The following NIBAN1 variants were observed in gnomAD, a reference collection of about 807,000 sequenced individuals.
NIBAN1 encodes the protein protein Niban 1.
NIBAN1 carries 81 observed loss-of-function variants against 75.1 expected under a neutral mutation model. The ratio of observed to expected loss-of-function variants is 1.08; its 90% CI spans 0.90 to 1.30. The LOEUF (loss-of-function observed/expected upper bound fraction) is 1.30, where lower values mean the gene tolerates loss of function less well. Among genes scored for constraint, NIBAN1 ranks in the 50% most tolerant of loss-of-function variants. The probability of loss-of-function intolerance (pLI) is 0.00; values close to 1 mark genes in which losing one functional copy is unlikely to be tolerated. For missense variants in NIBAN1, 1,133 were observed against 1,128.1 expected, an observed-to-expected ratio of 1.00 and a Z score of -0.06; for synonymous variants, 436 against 424.8, an observed-to-expected ratio of 1.03 and a Z score of -0.32.
rs184067662 is a variant in NIBAN1, at chr1:184,890,075, T to A, written c.433+33A>T. The A allele has an allele frequency of 2.7e-6, 4 of 1,505,314 alleles. No individual in the cohort carries two copies. In the Admixed American group the frequency reaches 6.7e-5, roughly 25 times the overall value. 93.2% of individuals were successfully genotyped at this position (1,505,314 alleles called of 1,614,324 possible). A position where few individuals can be genotyped will look rare whatever the true frequency, so the allele number is the denominator to read the frequency against. ...CCAGCTAAACAAAGAAGCTTAGTCATTTTGCCTTGGAAAAGAATGATCAGC... is the reference window on the plus strand; with the variant it reads ...CCAGCTAAACAAAGAAGCTTAGTCAATTTGCCTTGGAAAAGAATGATCAGC... On this transcript the variant is annotated intron_variant, in intron 4 of 13. Coordinates refer to ENST00000367511, the MANE Select transcript of NIBAN1 (RefSeq NM_052966.4).
chr1:184,947,079 G>GAGAAAAAAGAAAAAA (rs1658244959), intron 1 of NIBAN1, among the ~76,000 whole-genome samples: 4 of 150,454 alleles, frequency 2.7e-5, no homozygotes, highest in African/African-American at 9.8e-5. Context: ...ATCTCAAAAA[G>GAGAAAAAAGAAAAAA]AAAAGAAAAG....
chr1:184,887,089 C>A (rs945462735), intron 4 of NIBAN1, among the ~76,000 whole-genome samples: 1 of 152,172 alleles, frequency 6.6e-6, no homozygotes, highest in Non-Finnish European at 1.5e-5. Flanking sequence ...CCACTGCACT[C>A]CAGCCTGGGT....
chr1:184,949,263 C>T (rs1658302465), intron 1 of NIBAN1, among the ~76,000 whole-genome samples: 1 of 152,156 alleles, frequency 6.6e-6, no homozygotes, highest in Non-Finnish European at 1.5e-5. Flanking sequence ...GAGGCTGAGG[C>T]AGGAGAATGG....
At chr1:184,973,910 G>T (rs867362778) in intron 1 of NIBAN1, among the ~76,000 whole-genome samples, 1 of 152,252 alleles carries the variant, frequency 6.6e-6, no homozygotes, top group African/African-American at 2.4e-5. Context: ...ATCCCCAGGG[G>T]TATCTCTAGA....
intron 5 of NIBAN1, chr1:184,867,715 A>G (rs1655994225): frequency 3.8e-6 from 1 of 260,152 alleles, no homozygotes; most frequent in Non-Finnish European, 6.0e-6. Flanking sequence ...TATCCTGGAA[A>G]GTCAGGAGGA....
At chr1:184,926,719 G>A (rs1657695180) in intron 1 of NIBAN1, among the ~76,000 whole-genome samples, 1 of 152,022 alleles carries the variant, frequency 6.6e-6, no homozygotes, top group African/African-American at 2.4e-5. Flanking sequence ...TTGAGGTTTG[G>A]AAAGCCTTAT....
At chr1:184,885,359 G>A (rs1656496062) in intron 4 of NIBAN1, among the ~76,000 whole-genome samples, 1 of 151,956 alleles carries the variant, frequency 6.6e-6, no homozygotes, top group South Asian at 2.1e-4. Context: ...ATTATTTGTA[G>A]AGACAGGGTT....
At chr1:184,955,359 T>TTCCTTTCCTTTCCTTTCC (rs1557929596) in intron 1 of NIBAN1, among the ~76,000 whole-genome samples, 10 of 150,978 alleles carry the variant, frequency 6.6e-5, no homozygotes, top group African/African-American at 2.4e-4. Flanking sequence ...TTCCTTTCCT[T>TTCCTTTCCTTTCCTTTCC]TTCTTTTTTG....
Position 184,899,249 on chromosome 1 carries a change from G to A in NIBAN1, c.116C>T (p.Ala39Val), listed in dbSNP as rs1656882813. ...TTCAGTGCGCACGTGATTGCAGAAA[G>A]CCACAGAGTACTGACGACTGTAGTA... Reference protein sequence around the residue: ...SPYYSRQYSVAFCNHVRTEVE... With the variant: ...SPYYSRQYSVVFCNHVRTEVE... Residue 39 changes from alanine to valine, a missense_variant, in exon 2 of 14, where the codon GCT becomes GTT. Transcript: ENST00000367511. 1 of 1,613,940 alleles carries A rather than the reference G, an allele frequency of 6.2e-7. No individual in the cohort carries two copies. The highest frequency in any genetic ancestry group is 8.5e-7 in the Non-Finnish European group (1 of 1,179,866).
chr1:184,920,276 T>G (rs1169293284), intron 1 of NIBAN1, among the ~76,000 whole-genome samples: 1 of 152,198 alleles, frequency 6.6e-6, no homozygotes, highest in African/African-American at 2.4e-5. Context: ...ACACAATGGT[T>G]GTACAGATTT....
chr1:184,930,994 C>T (rs1314238447), intron 1 of NIBAN1, among the ~76,000 whole-genome samples: 1 of 57,274 alleles, frequency 1.7e-5, no homozygotes, highest in Non-Finnish European at 3.8e-5. Context: ...ACTTTTTCTT[C>T]TTCTTTTTTT....
chr1:184,884,611 TGA>T lies in NIBAN1; in HGVS notation c.601+20_601+21del, dbSNP rs760159641. 6.8e-6 allele frequency: 11 copies of T among 1,612,286 alleles called. No homozygotes were observed. Among genetic ancestry groups the T allele is most frequent in the Non-Finnish European group, 9.3e-6 (11 of 1,178,802 alleles). On this transcript the variant is annotated intron_variant, in intron 5 of 13. Coordinates refer to ENST00000367511, the MANE Select transcript of NIBAN1 (RefSeq NM_052966.4). ...GCTGCCCCACTTCCCGCCCCGGGGA[TGA>T]GAGGGGAGCCGCGCCATACCATGAT...
In NIBAN1 at chr1:184,794,980, C is replaced by G; in HGVS notation, c.2784G>C (p.Glu928Asp). ...GACTTCAGCCAAATTGTCCCTTTCA[C>G]TCCTCTGAGGGCAGCTCTGGGAAAC... is the stretch of plus-strand genomic sequence containing the variant. Reference protein sequence around the residue: ...QESFPELPSEE With the variant: ...QESFPELPSED The change falls in exon 14 of 14, where the codon GAG (glutamate) becomes GAC (aspartate). Residue 928 changes from glutamate (E) to aspartate (D), a missense_variant. Transcript: ENST00000367511. The G allele has an allele frequency of 6.2e-7, 1 of 1,609,116 alleles. No individual in the cohort carries two copies. Among genetic ancestry groups the G allele is most frequent in the Non-Finnish European group, 8.5e-7 (1 of 1,180,024 alleles).
At chr1:184,876,604 G>C (rs1183416984) in intron 5 of NIBAN1, among the ~76,000 whole-genome samples, 1 of 151,958 alleles carries the variant, frequency 6.6e-6, no homozygotes, top group Non-Finnish European at 1.5e-5. Flanking sequence ...TAGAGGCTGA[G>C]GCAGGAGAAC....
intron 1 of NIBAN1, among the ~76,000 whole-genome samples, chr1:184,938,963 T>C (rs1357568190): frequency 6.6e-6 from 1 of 152,234 alleles, no homozygotes; most frequent in East Asian, 1.9e-4. Flanking sequence ...GGGTCGGTTA[T>C]GTTATCAAAC....
At chr1:184,902,927 G>A (rs1159669951) in intron 1 of NIBAN1, among the ~76,000 whole-genome samples, 2 of 152,168 alleles carry the variant, frequency 1.3e-5, no homozygotes, top group African/African-American at 4.8e-5. Flanking sequence ...GACAGTGCCT[G>A]ACACATATTA....
chr1:184,871,577 G>C (rs1264342113), intron 5 of NIBAN1, among the ~76,000 whole-genome samples: 1 of 152,076 alleles, frequency 6.6e-6, no homozygotes, highest in Non-Finnish European at 1.5e-5. Flanking sequence ...CACTAAGTTT[G>C]AGGTGTTTTG....
chr1:184,808,568 C>T (rs900735840), intron 9 of NIBAN1, among the ~76,000 whole-genome samples: 12 of 152,258 alleles, frequency 7.9e-5, no homozygotes, highest in Non-Finnish European at 1.3e-4. Context: ...CAGGTAGGCT[C>T]TGATACGTGG....
intron 5 of NIBAN1, among the ~76,000 whole-genome samples, chr1:184,851,936 C>G (rs1228420778): frequency 1.3e-5 from 2 of 151,840 alleles, no homozygotes; most frequent in Non-Finnish European, 2.9e-5. Flanking sequence ...CTTAGAATCT[C>G]AGAGAGCTCC....
Sources: allele counts gnomAD v4.1 joint callset (sites outside exome capture counted in the v4.1 genomes callset), GRCh38; gene constraint gnomAD v4.1.1; transcripts MANE v1.5; gene names NCBI Gene and HGNC (gene_info 2026-07-23, HGNC 2026-07-21).